SPMAP2L: variants seen among roughly 807,000 people sequenced by gnomAD.
SPMAP2L encodes the protein sperm microtubule associated protein 2-like.
At chr4:56,552,692 A>C in the SPMAP2L span, 2 of 796,412 alleles carry the variant, frequency 2.5e-6, no homozygotes, top group Non-Finnish European at 4.2e-6. Context: ...TTATCCATCC[A>C]CCTCTACTTA....
chr4:56,538,309 C>T, the SPMAP2L span, among the ~76,000 whole-genome samples: 1 of 152,082 alleles, frequency 6.6e-6, no homozygotes, highest in Non-Finnish European at 1.5e-5. Context: ...GAGTCTGCAT[C>T]TGTGGTTCTC....
At chr4:56,532,452 T>A in the SPMAP2L span, among the ~76,000 whole-genome samples, 1 of 152,244 alleles carries the variant, frequency 6.6e-6, no homozygotes, top group East Asian at 1.9e-4. Flanking sequence ...TTCCTGCAGT[T>A]ATCCTCTCTC....
the SPMAP2L span, among the ~76,000 whole-genome samples, chr4:56,622,078 G>A: frequency 6.6e-6 from 1 of 152,172 alleles, no homozygotes; most frequent in Non-Finnish European, 1.5e-5. Flanking sequence ...GAAATTGGGG[G>A]ACAGGGTAGG....
the SPMAP2L span, chr4:56,603,558 G>C: frequency 5.5e-6 from 2 of 364,890 alleles, no homozygotes; most frequent in Non-Finnish European, 4.9e-6. Context: ...GAAAATGAGA[G>C]ACTGCCTCAT....
At chr4:56,556,485 G>T in the SPMAP2L span, among the ~76,000 whole-genome samples, 32 of 152,212 alleles carry the variant, frequency 2.1e-4, no homozygotes, top group Non-Finnish European at 4.4e-4. Flanking sequence ...GAGACATTCA[G>T]TAAGTATCTG....
chr4:56,546,912 C>T, the SPMAP2L span, among the ~76,000 whole-genome samples: 4 of 152,196 alleles, frequency 2.6e-5, no homozygotes, highest in Non-Finnish European at 4.4e-5. Context: ...AGGTCTGGAA[C>T]AACAGAAAAT....
chr4:56,559,558 G>C, the SPMAP2L span: 48 of 1,441,648 alleles, frequency 3.3e-5, no homozygotes, highest in Admixed American at 5.7e-5. Context: ...TTTATCAGGA[G>C]GTTTTTTGTT....
chr4:56,594,636 T>C, the SPMAP2L span: 6 of 1,361,498 alleles, frequency 4.4e-6, no homozygotes, highest in South Asian at 1.2e-5. Flanking sequence ...AGTGCCCACA[T>C]GGCAGGCATG....
At chr4:56,532,382 T>C in the SPMAP2L span, among the ~76,000 whole-genome samples, 1 of 152,022 alleles carries the variant, frequency 6.6e-6, no homozygotes, top group Non-Finnish European at 1.5e-5. Flanking sequence ...TTTTTTTTAA[T>C]GAAAAGCAAA....
At chr4:56,531,007 A>G in the SPMAP2L span, 1 of 1,535,136 alleles carries the variant, frequency 6.5e-7, no homozygotes, top group Non-Finnish European at 8.7e-7. Context: ...TGCAGCCCCC[A>G]AACTCCTCAA....
At chr4:56,543,973 T>TGA in the SPMAP2L span, among the ~76,000 whole-genome samples, 1,288 of 127,270 alleles carry the variant, frequency 0.01, 19 homozygotes, top group Middle Eastern at 0.026. Flanking sequence ...TGTGTGTATG[T>TGA]GAGAGAGAGA....
the SPMAP2L span, among the ~76,000 whole-genome samples, chr4:56,538,776 C>G: frequency 0.019 from 2,846 of 152,238 alleles, 79 homozygotes; most frequent in African/African-American, 0.065. Flanking sequence ...GCACTCCAGC[C>G]TGGGCAACAG....
the SPMAP2L span, among the ~76,000 whole-genome samples, chr4:56,589,116 G>A: frequency 1.3e-5 from 2 of 152,048 alleles, no homozygotes; most frequent in Non-Finnish European, 2.9e-5. Context: ...AGCCTCCTGA[G>A]TAGTTGGGAT....
chr4:56,557,020 G>A, the SPMAP2L span, among the ~76,000 whole-genome samples: 197 of 151,924 alleles, frequency 1.3e-3, 3 homozygotes, highest in African/African-American at 4.4e-3. Flanking sequence ...AGGCCAAGGC[G>A]GGTAGATCAC....
chr4:56,616,710 CG>C, the SPMAP2L span, among the ~76,000 whole-genome samples: 1 of 152,142 alleles, frequency 6.6e-6, no homozygotes, highest in Non-Finnish European at 1.5e-5. Context: ...AAGAAGCACA[CG>C]GGGGCTTTCT....
the SPMAP2L span, among the ~76,000 whole-genome samples, chr4:56,610,145 C>T: frequency 2.0e-3 from 297 of 152,240 alleles, 1 homozygote; most frequent in African/African-American, 5.6e-3. Flanking sequence ...ATACCCAAAG[C>T]AGGACTAAGC....
the SPMAP2L span, chr4:56,584,744 C>T: frequency 1.5e-6 from 1 of 650,370 alleles, no homozygotes; most frequent in Non-Finnish European, 2.7e-6. Flanking sequence ...CTGACTCTTT[C>T]TTCCATGCCT....
At chr4:56,600,849 T>C in the SPMAP2L span, 1 of 1,327,336 alleles carries the variant, frequency 7.5e-7, no homozygotes, top group African/African-American at 1.5e-5. Flanking sequence ...AAGAAATGAT[T>C]GTGACTTAAG....
chr4:56,531,295 C>A, the SPMAP2L span: 1 of 1,301,880 alleles, frequency 7.7e-7, no homozygotes. Context: ...CAAGAGCTTG[C>A]CATATTGAAA....
Sources: gnomAD v4.1 joint callset for allele counts (sites outside exome capture counted in the v4.1 genomes callset) on GRCh38, gnomAD v4.1.1 for gene constraint, MANE v1.5 for transcripts, NCBI Gene and HGNC (gene_info 2026-07-23, HGNC 2026-07-21) for gene names.